SMARCA4: variants seen among roughly 807,000 people sequenced by gnomAD.
SMARCA4 encodes the protein SWI/SNF-related matrix-associated actin-dependent regulator of chromatin subfamily A member 4.
Under a neutral mutation model 193.9 loss-of-function variants are expected in SMARCA4, and 31 were observed. The ratio of observed to expected loss-of-function variants is 0.16; its 90% CI spans 0.12 to 0.22. The LOEUF (loss-of-function observed/expected upper bound fraction) is 0.22. Ranked by LOEUF, SMARCA4 falls within the 10% of genes least tolerant of loss-of-function variation. The pLI is 1.00. For synonymous variants in SMARCA4, 942 were observed against 933.1 expected, an observed-to-expected ratio of 1.01 and a Z score of -0.17; for missense variants, 1,148 against 2,296.0, an observed-to-expected ratio of 0.50 and a Z score of 10.22.
Position 10,986,912 on chromosome 19 carries a change from A to G in SMARCA4, c.768A>G (p.Gly256=), listed in dbSNP as rs1599957054. The part of the protein sequence containing the change: ...PPNYSRPHGM[G]GPNMPPPGPS... ...GTTTCTCCCTACATGTAGGTATGGG[A>G]GGGCCCAACATGCCTCCCCCAGGAC... is the stretch of plus-strand genomic sequence containing the variant. Residue 256 remains glycine, a synonymous_variant, in exon 5 of 35, where the codon GGA becomes GGG. Transcript: ENST00000344626. This position sits in a 1 kb window ranked among gnomAD's most constrained non-coding sequence, Gnocchi z 6.7. The G allele has an allele frequency of 6.2e-7, 1 of 1,611,256 alleles. No individual in the cohort carries two copies. Among genetic ancestry groups the G allele is most frequent in the Non-Finnish European group, 8.5e-7 (1 of 1,178,206 alleles).
chr19:11,005,947 A>G (rs1178309052), intron 13 of SMARCA4, among the ~76,000 whole-genome samples: 1 of 152,168 alleles, frequency 6.6e-6, no homozygotes, highest in Non-Finnish European at 1.5e-5. Context: ...ATTTGGGTTT[A>G]GCCAGAAGTC....
Position 10,987,778 on chromosome 19 carries a change from C to A in SMARCA4, c.972C>A (p.Pro324=). 6.3e-7 allele frequency: 1 copy of A among 1,599,690 alleles called. No homozygotes were observed. Among genetic ancestry groups the A allele is most frequent in the East Asian group, 2.3e-5 (1 of 44,088 alleles). The change falls in exon 6 of 35, where the codon CCC becomes CCA. Residue 324 remains proline, a synonymous_variant. Transcript: ENST00000344626. The surrounding 1 kb of genome is among the most constrained non-coding windows in gnomAD (Gnocchi z 5.3). ...APPAVPPAAS[P]VMPPQTQSPG... ...CTGCCGTCCCACCCGCCGCCTCGCC[C>A]GTGATGCCACCGCAGACCCAGTCCC...
In SMARCA4 at chr19:11,027,428, C is replaced by T. The variant is rs979141356; in HGVS notation, c.3216-356C>T. On this transcript the variant is annotated intron_variant, in intron 23 of 34. Coordinates refer to ENST00000344626, the MANE Select transcript of SMARCA4 (RefSeq NM_003072.5). The stretch of plus-strand genomic sequence containing the variant: ...AGTGTGGCATTTGCTCCTGGGGCTT[C>T]TTTATCGGGCAAGGGGACAAGGTCT... 2.6e-5 allele frequency among the ~76,000 whole-genome samples: 4 copies of T among 152,182 alleles called. 1 individual carries two copies. Among genetic ancestry groups the T allele is most frequent in the Non-Finnish European group, 5.9e-5 (4 of 68,032 alleles).
chr19:11,046,779 G>A (rs2075947747), intron 30 of SMARCA4, among the ~76,000 whole-genome samples: 1 of 151,820 alleles, frequency 6.6e-6, no homozygotes, highest in Admixed American at 6.6e-5. Context: ...AAAACAGGGA[G>A]ACCCCGCCTA....
In SMARCA4 at chr19:10,991,293, G is replaced by A. The variant is rs750247391; in HGVS notation, c.1389G>A (p.Glu463=). ...TEKLEKQQKI[E]QERKRRQKHQ... ...AGCTGGAGAAGCAGCAGAAGATCGA[G>A]CAGGAGCGCAAGCGCCGGCAGAAGC... is the stretch of plus-strand genomic sequence containing the variant. Residue 463 remains glutamate (E), a synonymous_variant, in exon 8 of 35, where the codon GAG becomes GAA. Coordinates refer to ENST00000344626, the MANE Select transcript of SMARCA4 (RefSeq NM_003072.5). 1.9e-6 allele frequency: 3 copies of A among 1,608,892 alleles called. No homozygotes were observed. The highest frequency in any genetic ancestry group is 4.5e-5 in the East Asian group (2 of 44,714).
chr19:10,965,046 G>A (rs1166735781), intron 1 of SMARCA4, among the ~76,000 whole-genome samples: 1 of 152,168 alleles, frequency 6.6e-6, no homozygotes, highest in Non-Finnish European at 1.5e-5. Flanking sequence ...CGGTCATCAA[G>A]GCTGCCATGG....
chr19:10,964,691 C>T (rs527412605), intron 1 of SMARCA4, among the ~76,000 whole-genome samples: 212 of 151,718 alleles, frequency 1.4e-3, no homozygotes, highest in African/African-American at 4.9e-3. Flanking sequence ...GATCTTGACT[C>T]ACTGCAACCT....
chr19:11,025,734 C>T (rs1025909524), intron 22 of SMARCA4: 1 of 535,214 alleles, frequency 1.9e-6, no homozygotes, highest in Non-Finnish European at 3.5e-6. Flanking sequence ...GAAAGCTTGC[C>T]CTCAGAGAGC....
chr19:11,033,406 G>A lies in SMARCA4; in HGVS notation c.3663G>A (p.Lys1221=), dbSNP rs61761957. 446 of 1,613,498 alleles carry A rather than the reference G, an allele frequency of 2.8e-4. 5 individuals carry two copies. The African/African-American group carries it at 5.4e-3, about 19-fold the overall frequency. Reference sequence around the variant, plus strand: ...AGATCCTAGCTGCAGCCAAGTACAAGCTCAACGTGGACCAGAAGGTGATCC... The same window carrying A: ...AGATCCTAGCTGCAGCCAAGTACAAACTCAACGTGGACCAGAAGGTGATCC... The part of the protein sequence containing the change: ...EEKILAAAKY[K]LNVDQKVIQA... Residue 1221 remains lysine (K), a synonymous_variant, in exon 26 of 35, where the codon AAG becomes AAA. Transcript: ENST00000344626. The surrounding 1 kb of genome is among the most constrained non-coding windows in gnomAD (Gnocchi z 9.8).
intron 30 of SMARCA4, among the ~76,000 whole-genome samples, chr19:11,044,970 A>G (rs936264377): frequency 2.6e-5 from 4 of 152,222 alleles, no homozygotes; most frequent in Non-Finnish European, 5.9e-5. Context: ...AAACAGACAT[A>G]GTACTGCTAC....
chr19:10,996,160 C>T (rs2145966146), intron 9 of SMARCA4, 53 bp from the exon 10 acceptor site: 1 of 1,595,170 alleles, frequency 6.3e-7, no homozygotes, highest in Non-Finnish European at 8.6e-7. Flanking sequence ...CATGGGTGCT[C>T]ACAGACATGC....
At position 10,994,881 on chromosome 19, in the gene SMARCA4, A is replaced by G. The variant is rs1408687423; in HGVS notation, c.1473A>G (p.Arg491=). 6.2e-7 allele frequency: 1 copy of G among 1,614,196 alleles called. No homozygotes were observed. The highest frequency in any genetic ancestry group is 1.1e-5 in the South Asian group (1 of 91,086). The change falls in exon 9 of 35, where the codon AGA becomes AGG. Residue 491 remains arginine (R), a synonymous_variant. Coordinates refer to ENST00000344626, the MANE Select transcript of SMARCA4 (RefSeq NM_003072.5). ...CCAAGGATTTCAAGGAATATCACAGATCCGTCACAGGCAAAATCCAGAAGC... is the reference window on the plus strand; with the variant it reads ...CCAAGGATTTCAAGGAATATCACAGGTCCGTCACAGGCAAAATCCAGAAGC... The part of the protein sequence containing the change: ...QHAKDFKEYH[R]SVTGKIQKLT...
intron 11 of SMARCA4, 54 bp downstream of exon 11, chr19:10,996,598 C>A (rs1367831560): frequency 6.7e-7 from 1 of 1,490,586 alleles, no homozygotes; most frequent in Non-Finnish European, 9.4e-7. Context: ...AGGCGTTGGT[C>A]TGTTTCAGAC....
At chr19:11,004,121 AT>A (rs1254485130) in intron 13 of SMARCA4, among the ~76,000 whole-genome samples, 2 of 151,538 alleles carry the variant, frequency 1.3e-5, no homozygotes, top group Non-Finnish European at 2.9e-5. Context: ...TGTTCAAGCG[AT>A]TCTCCTGCCT....
chr19:11,053,596 G>T (rs1032614009), intron 30 of SMARCA4, among the ~76,000 whole-genome samples: 1 of 152,180 alleles, frequency 6.6e-6, no homozygotes, highest in East Asian at 1.9e-4. Context: ...TGCAACAGAG[G>T]CAGGCCCAGC....
chr19:10,983,217 C>T (rs1285768572), intron 1 of SMARCA4, among the ~76,000 whole-genome samples: 7 of 152,182 alleles, frequency 4.6e-5, no homozygotes, highest in Admixed American at 1.3e-4. Context: ...GGTTGGAGGA[C>T]ATCCCCTTAT....
At chr19:11,037,104 G>A (rs554334334) in intron 29 of SMARCA4, among the ~76,000 whole-genome samples, 3 of 152,308 alleles carry the variant, frequency 2.0e-5, no homozygotes, top group African/African-American at 4.8e-5. Flanking sequence ...TCACGTACAC[G>A]TTTTTGCGTG....
rs1276835884 is a variant in SMARCA4, at chr19:10,985,409, C to T, written c.355+4C>T. ...CCCATGGACCAGCACTCCCAAGGTA[C>T]AGAACTGCGTTCCTTCCTGCCTTGT... On this transcript the variant is annotated splice_donor_region_variant and intron_variant, in intron 3 of 34. Transcript: ENST00000344626. This position sits in a 1 kb window ranked among gnomAD's most constrained non-coding sequence, Gnocchi z 4.5. 3.7e-6 allele frequency: 6 copies of T among 1,613,730 alleles called. No individual in the cohort carries two copies. The highest frequency in any genetic ancestry group is 2.5e-6 in the Non-Finnish European group (3 of 1,179,952).
rs773151387 is a variant in SMARCA4, at chr19:11,034,167, C to T, written c.3918C>T (p.Ile1306=). The T allele has an allele frequency of 1.2e-5, 19 of 1,613,710 alleles. No homozygotes were observed. The highest frequency in any genetic ancestry group is 5.3e-5 in the African/African-American group (4 of 74,912). The part of the protein sequence containing the change: ...VPDDETVNQM[I]ARHEEEFDLF... ...ACGACGAGACCGTCAACCAGATGATCGCCCGGCACGAGGAGGAGTTTGATC... is the reference window on the plus strand; with the variant it reads ...ACGACGAGACCGTCAACCAGATGATTGCCCGGCACGAGGAGGAGTTTGATC... Residue 1306 remains isoleucine (I), a synonymous_variant, in exon 28 of 35, where the codon ATC becomes ATT. Transcript: ENST00000344626. The surrounding 1 kb of genome is among the most constrained non-coding windows in gnomAD (Gnocchi z 7.0).
Sources: gnomAD v4.1 joint callset for allele counts (sites outside exome capture counted in the v4.1 genomes callset) on GRCh38, gnomAD v4.1.1 for gene constraint, Gnocchi (gnomAD v3.1) non-coding constraint, MANE v1.5 for transcripts, NCBI Gene and HGNC (gene_info 2026-07-23, HGNC 2026-07-21) for gene names.